The following IKZF1 variants were observed in gnomAD, a reference collection of about 807,000 sequenced individuals.
The protein encoded by IKZF1 is DNA-binding protein Ikaros.
Under a neutral mutation model 51.7 loss-of-function variants are expected in IKZF1, and 10 were observed. That is an observed-to-expected ratio of 0.19 (90% confidence interval 0.12 to 0.33). IKZF1 has a LOEUF of 0.33. IKZF1 is among the 10% of genes least tolerant of loss of function. The pLI, the probability that IKZF1 is intolerant of heterozygous loss-of-function variation, is 1.00. For missense variants in IKZF1, 484 were observed against 707.5 expected, an observed-to-expected ratio of 0.68 and a Z score of 3.58; for synonymous variants, 280 against 282.3, an observed-to-expected ratio of 0.99 and a Z score of 0.08.
chr7:50,360,218 C>G (rs1280547897), intron 3 of IKZF1, among the ~76,000 whole-genome samples: 1 of 151,884 alleles, frequency 6.6e-6, no homozygotes, highest in Non-Finnish European at 1.5e-5. Context: ...CTCTGGCCTC[C>G]CTGAAGCAGG....
chr7:50,321,270 G>A lies in IKZF1; in HGVS notation c.40+2169G>A, dbSNP rs569400124. ...TTTCCTTAAGCGTTTACTTTGTTTC[G>A]TAAACAAAAAAGCACAAAAACAAAA... On this transcript the variant is annotated intron_variant, in intron 2 of 7. Coordinates refer to ENST00000331340, the MANE Select transcript of IKZF1 (RefSeq NM_006060.6). Among the ~76,000 whole-genome samples the A allele has an allele frequency of 1.7e-4, 26 of 152,154 alleles. No individual in the cohort carries two copies. The South Asian group carries it at 3.7e-3, about 22-fold the overall frequency.
At chr7:50,348,681 T>G (rs139171936) in intron 3 of IKZF1, among the ~76,000 whole-genome samples, 1 of 152,302 alleles carries the variant, frequency 6.6e-6, no homozygotes, top group African/African-American at 2.4e-5. Flanking sequence ...CTTCTGAAGA[T>G]GGACATAGTA....
intron 3 of IKZF1, among the ~76,000 whole-genome samples, chr7:50,344,508 A>G (rs1232364357): frequency 6.6e-6 from 1 of 152,224 alleles, no homozygotes; most frequent in Non-Finnish European, 1.5e-5. Context: ...ACATTTTACA[A>G]CTTCCAAACT....
At chr7:50,310,291 A>G (rs1179655062) in intron 1 of IKZF1, among the ~76,000 whole-genome samples, 1 of 152,250 alleles carries the variant, frequency 6.6e-6, no homozygotes, top group East Asian at 1.9e-4. Context: ...GAAATTTGCT[A>G]AAAAGGAGCA....
chr7:50,305,219 C>T (rs1165427055), intron 1 of IKZF1, among the ~76,000 whole-genome samples: 1 of 152,124 alleles, frequency 6.6e-6, no homozygotes, highest in Non-Finnish European at 1.5e-5. Flanking sequence ...CTACATATAC[C>T]CACGGAAGTC....
chr7:50,339,338 G>A (rs1053299248), intron 3 of IKZF1, among the ~76,000 whole-genome samples: 1 of 151,198 alleles, frequency 6.6e-6, no homozygotes. Context: ...AGAAGAGTTG[G>A]TTCCAAATGA....
intron 3 of IKZF1, among the ~76,000 whole-genome samples, chr7:50,342,899 A>G (rs1237664334): frequency 2.6e-5 from 4 of 152,196 alleles, no homozygotes; most frequent in African/African-American, 7.2e-5. Context: ...TTTCCTGAGT[A>G]CACCATGATC....
At chr7:50,354,936 G>A (rs1026004154) in intron 3 of IKZF1, among the ~76,000 whole-genome samples, 6 of 152,090 alleles carry the variant, frequency 3.9e-5, no homozygotes, top group Admixed American at 1.3e-4. Flanking sequence ...CGTCAAAAAC[G>A]TCACTTTGGG....
intron 5 of IKZF1, among the ~76,000 whole-genome samples, chr7:50,383,007 T>C (rs1038771129): frequency 2.6e-5 from 4 of 152,104 alleles, no homozygotes; most frequent in Admixed American, 2.6e-4. Flanking sequence ...GTCAGGCTGG[T>C]ATGGTTTCCC....
intron 3 of IKZF1, chr7:50,369,232 T>C (rs1807924326): frequency 3.1e-6 from 1 of 323,552 alleles, no homozygotes; most frequent in Admixed American, 4.9e-5. Flanking sequence ...TGAAGAATCA[T>C]ATTGTTGAAG....
rs570519443 is a variant in IKZF1 at position 50,306,605 on chromosome 7, C to T, written c.-15+1683C>T. 3.9e-5 allele frequency among the ~76,000 whole-genome samples: 6 copies of T among 152,326 alleles called. 1 individual carries two copies. The highest frequency in any genetic ancestry group is 1.4e-4 in the African/African-American group (6 of 41,542). On this transcript the variant is annotated intron_variant, in intron 1 of 7. Coordinates refer to ENST00000331340, the MANE Select transcript of IKZF1 (RefSeq NM_006060.6). ...CTGGATGTGTTAGGTTTGACCCTTT[C>T]GAAGAGTTTTACACAGGCTCCTAAA... is the stretch of plus-strand genomic sequence containing the variant.
In IKZF1 at chr7:50,327,654, T is replaced by C. The variant is rs755989663; in HGVS notation, c.57T>C (p.Pro19=). The C allele has an allele frequency of 3.7e-6, 6 of 1,612,606 alleles. No homozygotes were observed. Among genetic ancestry groups the C allele is most frequent in the Non-Finnish European group, 5.1e-6 (6 of 1,179,356 alleles). The change falls in exon 3 of 8, where the codon CCT becomes CCC. Residue 19 remains proline (P), a synonymous_variant. Coordinates refer to ENST00000331340, the MANE Select transcript of IKZF1 (RefSeq NM_006060.6). ...MSQVSGKESP[P]VSDTPDEGDE... ...TCTCATCAGGGAAGGAAAGCCCCCC[T>C]GTAAGCGATACTCCAGATGAGGGCG...
chr7:50,320,965 G>T (rs749754469), intron 2 of IKZF1, among the ~76,000 whole-genome samples: 1 of 152,326 alleles, frequency 6.6e-6, no homozygotes. Context: ...GAATGAACTA[G>T]TATGAAAAGA....
intron 7 of IKZF1, among the ~76,000 whole-genome samples, chr7:50,392,899 G>A (rs1300142303): frequency 1.3e-5 from 2 of 152,164 alleles, no homozygotes; most frequent in Admixed American, 6.5e-5. Context: ...GAGGAGCAGG[G>A]TGTGTTCCCA....
In IKZF1 at chr7:50,400,763, G is replaced by T; in HGVS notation, c.*136G>T. ...GTGTTTGGATTTGTAACTGTTTTTT[G>T]TTTTTTGTTTGAGTTGGTTGATTGG... On this transcript the variant is annotated 3_prime_UTR_variant, in exon 8 of 8. Transcript: ENST00000331340. The surrounding 1 kb of genome is among the most constrained non-coding windows in gnomAD (Gnocchi z 5.4). The T allele has an allele frequency of 8.4e-7, 1 of 1,194,940 alleles. No homozygotes were observed. The highest frequency in any genetic ancestry group is 1.1e-6 in the Non-Finnish European group (1 of 870,748). 74.0% of individuals were successfully genotyped at this position (1,194,940 alleles called of 1,614,324 possible). A position where few individuals can be genotyped will look rare whatever the true frequency, so the allele number is the denominator to read the frequency against.
chr7:50,400,447 G>T lies in IKZF1; in HGVS notation c.1380G>T (p.Lys460Asn), dbSNP rs775503216. The change falls in exon 8 of 8, where the codon AAG (lysine) becomes AAT (asparagine). Residue 460 changes from lysine to asparagine, a missense_variant. Coordinates refer to ENST00000331340, the MANE Select transcript of IKZF1 (RefSeq NM_006060.6). This position sits in a 1 kb window ranked among gnomAD's most constrained non-coding sequence, Gnocchi z 5.4. ...RVVSTSGEQMKVYKCEHCRVL... is the reference protein window; with the variant it reads ...RVVSTSGEQMNVYKCEHCRVL... ...TCAGCACCAGCGGGGAGCAGATGAA[G>T]GTGTACAAGTGCGAACACTGCCGGG... 1.2e-6 allele frequency: 2 copies of T among 1,614,006 alleles called. No individual in the cohort carries two copies. The highest frequency in any genetic ancestry group is 1.3e-5 in the African/African-American group (1 of 75,064).
intron 3 of IKZF1, chr7:50,367,705 C>A (rs1045327587): frequency 3.7e-6 from 1 of 273,202 alleles, no homozygotes; most frequent in Non-Finnish European, 6.9e-6. Context: ...AATGGTTTCT[C>A]ACAGTTCTAG....
chr7:50,341,146 T>TC (rs1391344637), intron 3 of IKZF1, among the ~76,000 whole-genome samples: 1 of 576 alleles, frequency 1.7e-3, no homozygotes. Flanking sequence ...GTATGGAGTC[T>TC]TTTTTTTTTT....
In IKZF1 at chr7:50,399,919, G is replaced by A. The variant is rs1230642840; in HGVS notation, c.852G>A (p.Gly284=). 6.2e-7 allele frequency: 1 copy of A among 1,611,034 alleles called. No homozygotes were observed. Among genetic ancestry groups the A allele is most frequent in the South Asian group, 1.1e-5 (1 of 90,372 alleles). The change falls in exon 8 of 8, where the codon GGG becomes GGA. Residue 284 remains glycine, a splice_region_variant and synonymous_variant. Coordinates refer to ENST00000331340, the MANE Select transcript of IKZF1 (RefSeq NM_006060.6). ...CTCACTGTCGCCTGCTTTCCACAGGGGACAAGGGCCTGTCCGACACGCCCT... is the reference window on the plus strand; with the variant it reads ...CTCACTGTCGCCTGCTTTCCACAGGAGACAAGGGCCTGTCCGACACGCCCT... ...RKSSMPQKFL[G]DKGLSDTPYD...
Sources: allele counts gnomAD v4.1 joint callset (sites outside exome capture counted in the v4.1 genomes callset), GRCh38; gene constraint gnomAD v4.1.1; non-coding constraint Gnocchi (gnomAD v3.1); transcripts MANE v1.5; gene names NCBI Gene and HGNC (gene_info 2026-07-23, HGNC 2026-07-21).